Variants in MAT1A observed in about 807,000 individuals in gnomAD.
MAT1A encodes the protein methionine adenosyltransferase 1A.
A neutral mutation model predicts 44.0 loss-of-function variants in MAT1A; 19 were observed. The ratio of observed to expected loss-of-function variants is 0.43; its 90% CI spans 0.30 to 0.63. The LOEUF (loss-of-function observed/expected upper bound fraction) is 0.63. Among genes scored for constraint, MAT1A ranks in the 30% least tolerant of loss-of-function variants. The pLI is 0.12. For synonymous variants in MAT1A, 205 were observed against 205.6 expected, an observed-to-expected ratio of 1.00 and a Z score of 0.03; for missense variants, 397 against 531.0, an observed-to-expected ratio of 0.75 and a Z score of 2.48.
rs1478944471 is a variant in MAT1A at position 80,273,719 on chromosome 10, G to GAAGA, written c.*61_*62insTCTT. ...AAGGCGATCAGCAGCCAGGCGTCTG[G>GAAGA]GGAAGAGGAGCATGGCCACCAGGTG... is the stretch of plus-strand genomic sequence containing the variant. On this transcript the variant is annotated 3_prime_UTR_variant, in exon 9 of 9. Coordinates refer to ENST00000372213, the MANE Select transcript of MAT1A (RefSeq NM_000429.3). 11 of 1,205,234 alleles carry GAAGA rather than the reference G, an allele frequency of 9.1e-6. No homozygotes were observed. Among genetic ancestry groups the GAAGA allele is most frequent in the Admixed American group, 1.7e-5 (1 of 59,446 alleles). The allele number at this position is 1,205,234 out of a possible 1,614,324, so 74.7% of individuals were successfully genotyped here.
chr10:80,276,875 A>G (rs1841495389), intron 5 of MAT1A, among the ~76,000 whole-genome samples: 1 of 152,220 alleles, frequency 6.6e-6, no homozygotes, highest in South Asian at 2.1e-4. Context: ...CTGACCCACT[A>G]CATGTCTCCT....
At chr10:80,280,071 T>C in intron 5 of MAT1A, 102 bp downstream of exon 5, 1 of 1,396,170 alleles carries the variant, frequency 7.2e-7, no homozygotes, top group Non-Finnish European at 1.0e-6. Context: ...AATGCCCAGA[T>C]TGAATATTTC....
chr10:80,288,399 T>C (rs1375359804), intron 1 of MAT1A, among the ~76,000 whole-genome samples: 3 of 152,196 alleles, frequency 2.0e-5, no homozygotes, highest in African/African-American at 7.2e-5. Flanking sequence ...CTCTGTTGTC[T>C]TGACAAGCCC....
chr10:80,277,306 G>A (rs1841502995), intron 5 of MAT1A, among the ~76,000 whole-genome samples: 1 of 152,118 alleles, frequency 6.6e-6, no homozygotes, highest in South Asian at 2.1e-4. Context: ...CAGAACCACG[G>A]GGCAGCAAAC....
In MAT1A at chr10:80,276,485, C is replaced by T. The variant is rs1263207172; in HGVS notation, c.659G>A (p.Arg220Lys). 2 of 1,614,176 alleles carry T rather than the reference C, an allele frequency of 1.2e-6. No homozygotes were observed. The highest frequency in any genetic ancestry group is 1.7e-6 in the Non-Finnish European group (2 of 1,180,048). Residue 220 changes from arginine to lysine, a missense_variant, in exon 6 of 9, where the codon AGG becomes AAG. Physicochemically the swap from Arg to Lys is conservative, Grantham distance 26. Transcript: ENST00000372213. The part of the protein sequence containing the change: ...NEDITLEEMR[R>K]ALKEQVIRAV... ...CCTGATGACTTGCTCCTTCAGGGCC[C>T]TGCGCATCTCCTCCAGCGTGATGTC...
In MAT1A at chr10:80,289,553, A is replaced by T. The variant is rs907481208; in HGVS notation, c.-130T>A. ...GCTTGTCTTTGGCAGAGCCACGGGG[A>T]TCACTTCTGCCTAACTGCCTGTGAG... On this transcript the variant is annotated 5_prime_UTR_variant, in exon 1 of 9. Coordinates refer to ENST00000372213, the MANE Select transcript of MAT1A (RefSeq NM_000429.3). The T allele has an allele frequency of 1.4e-6, 1 of 738,506 alleles. No individual in the cohort carries two copies. Among genetic ancestry groups the T allele is most frequent in the Admixed American group, 2.0e-5 (1 of 50,282 alleles). The allele number at this position is 738,506 out of a possible 1,614,324, so 45.7% of individuals were successfully genotyped here. A position where few individuals can be genotyped will look rare whatever the true frequency, so the allele number is the denominator to read the frequency against.
At chr10:80,279,246 G>T (rs898730988) in intron 5 of MAT1A, among the ~76,000 whole-genome samples, 4 of 152,160 alleles carry the variant, frequency 2.6e-5, no homozygotes, top group African/African-American at 7.2e-5. Context: ...CAGCCCTGGG[G>T]AAGGCTGAGC....
intron 5 of MAT1A, 52 bp downstream of exon 5, chr10:80,280,121 G>A: frequency 1.9e-6 from 3 of 1,594,448 alleles, no homozygotes; most frequent in Non-Finnish European, 2.6e-6. Context: ...AGAGGATTTG[G>A]GGGTATTAAA....
At chr10:80,285,382 A>G in intron 2 of MAT1A, 130 bp downstream of exon 2, 1 of 759,598 alleles carries the variant, frequency 1.3e-6, no homozygotes, top group Non-Finnish European at 2.4e-6. Flanking sequence ...CATAATTGAG[A>G]AATCTACTGC....
chr10:80,287,896 G>A (rs1291842713), intron 1 of MAT1A, among the ~76,000 whole-genome samples: 2 of 152,208 alleles, frequency 1.3e-5, no homozygotes, highest in Non-Finnish European at 2.9e-5. Context: ...TAATTCTTGA[G>A]AGGCTGTCCT....
Position 80,280,191 on chromosome 10 carries a change from C to T in MAT1A, c.531G>A (p.Arg177=). The T allele has an allele frequency of 6.2e-7, 1 of 1,614,104 alleles. No homozygotes were observed. The highest frequency in any genetic ancestry group is 8.5e-7 in the Non-Finnish European group (1 of 1,180,020). ...TGCTCACCTGAGTCTTAGAGTCAGG[C>T]CGCAGCCAGGGGAGGAGGCCGGAGC... ...LRRSGLLPWL[R]PDSKTQVTVQ... is the part of the protein sequence containing the mutation. The change falls in exon 5 of 9, where the codon CGG becomes CGA. Residue 177 remains arginine (R), a synonymous_variant. Transcript: ENST00000372213.
intron 3 of MAT1A, 50 bp from the exon 4 acceptor site, chr10:80,280,842 G>A: frequency 7.4e-7 from 1 of 1,356,196 alleles, no homozygotes; most frequent in Non-Finnish European, 1.1e-6. Flanking sequence ...AGAAGGAGGG[G>A]GCCACAAACT....
chr10:80,286,788 T>A (rs1200351722), intron 1 of MAT1A, among the ~76,000 whole-genome samples: 1 of 152,184 alleles, frequency 6.6e-6, no homozygotes, highest in Non-Finnish European at 1.5e-5. Flanking sequence ...CTTAATAGAG[T>A]AATATGTTTT....
intron 5 of MAT1A, among the ~76,000 whole-genome samples, chr10:80,278,098 G>A (rs1467286725): frequency 2.0e-5 from 3 of 152,360 alleles, no homozygotes; most frequent in East Asian, 3.9e-4. Flanking sequence ...AGGCCAGCTG[G>A]CGAGGGGCCT....
chr10:80,281,522 C>A lies in MAT1A; in HGVS notation c.293-730G>T, dbSNP rs545566692. 1.6e-4 allele frequency among the ~76,000 whole-genome samples: 24 copies of A among 152,094 alleles called. 1 individual carries two copies. The highest frequency in any genetic ancestry group is 3.9e-4 in the East Asian group (2 of 5,174). On this transcript the variant is annotated intron_variant, in intron 3 of 8. Transcript: ENST00000372213. ...GAAACTGCTATGCACCGAGACCGTG[C>A]GCACCTCCTCACAGCTGTGCTGGGC...
rs886047315 is a variant in MAT1A, at chr10:80,273,258, A to G, written c.*523T>C. 13 of 178,082 alleles carry G rather than the reference A, an allele frequency of 7.3e-5. No homozygotes were observed. The highest frequency in any genetic ancestry group is 1.6e-4 in the Non-Finnish European group (13 of 83,558). 11.0% of individuals were successfully genotyped at this position (178,082 alleles called of 1,614,324 possible). On this transcript the variant is annotated 3_prime_UTR_variant, in exon 9 of 9. Transcript: ENST00000372213. ...TTATTAGCTGGGTCCCTCGCACATT[A>G]CAGGTGCTTAGGAGACATCAGTCCT...
chr10:80,284,215 T>C (rs941265855), intron 2 of MAT1A, among the ~76,000 whole-genome samples, 177 bp from the exon 3 acceptor site: 2 of 152,236 alleles, frequency 1.3e-5, no homozygotes, highest in African/African-American at 4.8e-5. Flanking sequence ...CACCAAGCAC[T>C]GAGCATCTTC....
At chr10:80,288,400 T>C (rs1391896523) in intron 1 of MAT1A, among the ~76,000 whole-genome samples, 1 of 152,172 alleles carries the variant, frequency 6.6e-6, no homozygotes, top group Non-Finnish European at 1.5e-5. Context: ...TCTGTTGTCT[T>C]GACAAGCCCT....
intron 1 of MAT1A, among the ~76,000 whole-genome samples, chr10:80,289,021 C>G (rs1309967932): frequency 3.3e-5 from 5 of 152,136 alleles, no homozygotes; most frequent in African/African-American, 1.2e-4. Flanking sequence ...AAAGTGACTC[C>G]TACAGGTACG....
Sources: allele counts gnomAD v4.1 joint callset (sites outside exome capture counted in the v4.1 genomes callset), GRCh38; gene constraint gnomAD v4.1.1; transcripts MANE v1.5; gene names NCBI Gene and HGNC (gene_info 2026-07-23, HGNC 2026-07-21).